SLC10A7: variants seen among roughly 807,000 people sequenced by gnomAD.
The protein encoded by SLC10A7 is solute carrier family 10 member 7.
SLC10A7 carries 29 observed loss-of-function variants against 43.2 expected under a neutral mutation model. The observed-to-expected ratio is 0.67, with a 90% CI of 0.50 to 0.92. SLC10A7 has a LOEUF of 0.92. SLC10A7 is among the 40% of genes least tolerant of loss of function. The pLI is 0.00. For synonymous variants in SLC10A7, 152 were observed against 144.8 expected, an observed-to-expected ratio of 1.05 and a Z score of -0.35; for missense variants, 295 against 403.2, an observed-to-expected ratio of 0.73 and a Z score of 2.30.
chr4:146,307,826 GTTT>G (rs1308973845), intron 6 of SLC10A7, among the ~76,000 whole-genome samples: 2 of 151,392 alleles, frequency 1.3e-5, no homozygotes, highest in Non-Finnish European at 2.9e-5. Context: ...TTATTATTAG[GTTT>G]TTAAATTTTT....
At chr4:146,270,679 T>G (rs1431458218) in intron 10 of SLC10A7, among the ~76,000 whole-genome samples, 1 of 152,170 alleles carries the variant, frequency 6.6e-6, no homozygotes, top group African/African-American at 2.4e-5. Flanking sequence ...GTCAGAGGAC[T>G]CTGGAGGTAG....
At chr4:146,400,859 G>T (rs1279472194) in intron 5 of SLC10A7, among the ~76,000 whole-genome samples, 1 of 152,134 alleles carries the variant, frequency 6.6e-6, no homozygotes, top group African/African-American at 2.4e-5. Flanking sequence ...GACATGAAAA[G>T]AAGAATACAA....
chr4:146,453,801 C>CT (rs1478712481), intron 4 of SLC10A7, among the ~76,000 whole-genome samples: 2 of 151,932 alleles, frequency 1.3e-5, no homozygotes, highest in African/African-American at 4.8e-5. Context: ...ACTGACCCTT[C>CT]TAAGACAAAA....
At chr4:146,295,985 T>G (rs146776096) in intron 7 of SLC10A7, among the ~76,000 whole-genome samples, 1 of 152,268 alleles carries the variant, frequency 6.6e-6, no homozygotes, top group Non-Finnish European at 1.5e-5. Flanking sequence ...AGGTGCAACT[T>G]GTAAGTGAAA....
At chr4:146,363,569 A>C (rs1279785839) in intron 5 of SLC10A7, among the ~76,000 whole-genome samples, 2 of 152,176 alleles carry the variant, frequency 1.3e-5, no homozygotes, top group Non-Finnish European at 2.9e-5. Context: ...TCTCCTCAGC[A>C]ATGGAACATT....
intron 5 of SLC10A7, among the ~76,000 whole-genome samples, chr4:146,359,574 G>A (rs901840738): frequency 2.0e-5 from 3 of 152,070 alleles, no homozygotes; most frequent in African/African-American, 4.8e-5. Flanking sequence ...GTAAAGGGGT[G>A]TTAAGGGGTG....
chr4:146,520,732 C>A (rs567910254), intron 1 of SLC10A7, among the ~76,000 whole-genome samples: 1 of 152,282 alleles, frequency 6.6e-6, no homozygotes, highest in East Asian at 1.9e-4. Context: ...GGTATTAAAC[C>A]TGTCAATAAG....
At chr4:146,517,418 A>G (rs1738117855) in intron 1 of SLC10A7, among the ~76,000 whole-genome samples, 1 of 152,106 alleles carries the variant, frequency 6.6e-6, no homozygotes, top group African/African-American at 2.4e-5. Context: ...AGCTGAGATC[A>G]CGCCATTGCA....
chr4:146,379,013 A>G (rs1737412088), intron 5 of SLC10A7, among the ~76,000 whole-genome samples: 1 of 152,166 alleles, frequency 6.6e-6, no homozygotes, highest in Admixed American at 6.5e-5. Context: ...GTATTGACCC[A>G]AGCCCAGAGG....
chr4:146,395,339 G>A (rs1738744680), intron 5 of SLC10A7, among the ~76,000 whole-genome samples: 1 of 152,174 alleles, frequency 6.6e-6, no homozygotes, highest in African/African-American at 2.4e-5. Context: ...GCAGTGTGCC[G>A]TGATCATGCC....
intron 6 of SLC10A7, among the ~76,000 whole-genome samples, chr4:146,317,644 A>G (rs1732416789): frequency 6.6e-6 from 1 of 151,964 alleles, no homozygotes; most frequent in Non-Finnish European, 1.5e-5. Flanking sequence ...GTGTCATCCA[A>G]TCCACTGAGG....
intron 5 of SLC10A7, among the ~76,000 whole-genome samples, chr4:146,329,831 A>C (rs1733411099): frequency 6.6e-6 from 1 of 152,232 alleles, no homozygotes; most frequent in African/African-American, 2.4e-5. Context: ...TAGAAAATTA[A>C]ATAAACATGT....
chr4:146,283,836 T>C lies in SLC10A7; in HGVS notation c.774-571A>G, dbSNP rs1243502743. On this transcript the variant is annotated intron_variant, in intron 9 of 11. Transcript: ENST00000335472. ...GTGATGTAATGTTCCTATTTACAGATGAGAAAACTGAGGCACACAGAAGTG... is the reference window on the plus strand; with the variant it reads ...GTGATGTAATGTTCCTATTTACAGACGAGAAAACTGAGGCACACAGAAGTG... Among the ~76,000 whole-genome samples, 4 of 152,152 alleles carry C rather than the reference T, an allele frequency of 2.6e-5. No individual in the cohort carries two copies. The South Asian group carries it at 8.3e-4, about 32-fold the overall frequency.
chr4:146,435,525 C>T (rs1730141183), intron 5 of SLC10A7, among the ~76,000 whole-genome samples: 1 of 152,188 alleles, frequency 6.6e-6, no homozygotes, highest in African/African-American at 2.4e-5. Context: ...GATATTCTCA[C>T]TTTAAGAATC....
chr4:146,499,394 T>C (rs1736199851), intron 4 of SLC10A7, among the ~76,000 whole-genome samples: 1 of 152,196 alleles, frequency 6.6e-6, no homozygotes, highest in South Asian at 2.1e-4. Flanking sequence ...GTGGACCTTT[T>C]CATTACACAC....
intron 4 of SLC10A7, among the ~76,000 whole-genome samples, chr4:146,445,499 T>C (rs1730976688): frequency 6.6e-6 from 1 of 152,116 alleles, no homozygotes; most frequent in East Asian, 1.9e-4. Flanking sequence ...GGAGGGGGTG[T>C]CTGTGACCCT....
chr4:146,474,319 T>C (rs1733854810), intron 4 of SLC10A7, among the ~76,000 whole-genome samples: 1 of 152,134 alleles, frequency 6.6e-6, no homozygotes, highest in Non-Finnish European at 1.5e-5. Context: ...TCTTGATCTT[T>C]TGGGGATTCC....
chr4:146,518,491 A>C (rs1276717988), intron 1 of SLC10A7, among the ~76,000 whole-genome samples: 1 of 152,178 alleles, frequency 6.6e-6, no homozygotes, highest in East Asian at 1.9e-4. Context: ...AACATTTAAA[A>C]ACCTAAGATC....
chr4:146,313,189 C>A (rs1051505531), intron 6 of SLC10A7, among the ~76,000 whole-genome samples: 1 of 152,168 alleles, frequency 6.6e-6, no homozygotes, highest in African/African-American at 2.4e-5. Flanking sequence ...CCCCCAGTAG[C>A]TGGTGCTGAA....
Sources: allele counts gnomAD v4.1 joint callset (sites outside exome capture counted in the v4.1 genomes callset), GRCh38; gene constraint gnomAD v4.1.1; transcripts MANE v1.5; gene names NCBI Gene and HGNC (gene_info 2026-07-23, HGNC 2026-07-21).